DNTT: variants seen among roughly 807,000 people sequenced by gnomAD.
The protein encoded by DNTT is DNA nucleotidylexotransferase, also known as nucleosidetriphosphate:DNA deoxynucleotidylexotransferase.
In DNTT, 47 loss-of-function variants were observed where a neutral mutation model predicts 60.9. The ratio of observed to expected loss-of-function variants is 0.77; its 90% CI spans 0.61 to 0.98. The LOEUF (loss-of-function observed/expected upper bound fraction) is 0.98. DNTT is among the 50% of genes least tolerant of loss of function. DNTT has a pLI of 0.00. For missense variants in DNTT, 665 were observed against 627.5 expected (o/e 1.06, Z -0.64); for synonymous variants, 224 against 221.2 (o/e 1.01, Z -0.11).
chr10:96,338,049 G>A (rs1845093951), intron 10 of DNTT, 89 bp from the exon 11 acceptor site: 3 of 1,139,218 alleles, frequency 2.6e-6, no homozygotes, highest in Admixed American at 4.9e-5. Context: ...TTCTGACAAG[G>A]CAATTTTATA....
At chr10:96,323,402 A>G (rs1055315550) in intron 5 of DNTT, among the ~76,000 whole-genome samples, 4 of 152,144 alleles carry the variant, frequency 2.6e-5, no homozygotes, top group Non-Finnish European at 5.9e-5. Flanking sequence ...TAGGACTTCA[A>G]CATACAAATG....
chr10:96,308,059 TTAAAAA>T (rs1362747848), intron 1 of DNTT, among the ~76,000 whole-genome samples: 5 of 152,030 alleles, frequency 3.3e-5, no homozygotes, highest in Non-Finnish European at 7.4e-5. Context: ...AGCATGTACT[TTAAAAA>T]TAAAAATAAC....
chr10:96,322,518 G>T (rs369517167), intron 4 of DNTT, 139 bp from the exon 5 acceptor site: 6 of 515,910 alleles, frequency 1.2e-5, no homozygotes, highest in African/African-American at 2.0e-5. Context: ...GTTTTCTCCA[G>T]ATCAATTAGG....
In DNTT at chr10:96,307,773, A is replaced by ATTT. The variant is rs1407279607; in HGVS notation, c.203+3074_203+3075insTTT. Among the ~76,000 whole-genome samples the ATTT allele has an allele frequency of 2.7e-4, 27 of 100,396 alleles. 3 individuals are homozygous for ATTT. The highest frequency in any genetic ancestry group is 7.2e-4 in the African/African-American group (20 of 27,812). The allele number at this position is 100,396 out of a possible 152,430, so 65.9% of individuals were successfully genotyped here. Reference sequence around the variant, plus strand: ...TGTGTGTGTGCATATATATATATATATATATTTTTTTTTTTTGAGGCAGGG... The same window carrying ATTT: ...TGTGTGTGTGCATATATATATATATATTTTATATTTTTTTTTTTTGAGGCAGGG... On this transcript the variant is annotated intron_variant, in intron 1 of 10. Coordinates refer to ENST00000371174, the MANE Select transcript of DNTT (RefSeq NM_004088.4).
At position 96,338,135 on chromosome 10, in the gene DNTT, C is replaced by T; in HGVS notation, c.1444-3C>T. ...ATGCACATATTTCTTGTTATGTTTT[C>T]AGAGGATATTCCTCAAAGCAGAAAG... is the stretch of plus-strand genomic sequence containing the variant. On this transcript the variant is annotated splice_polypyrimidine_tract_variant and splice_region_variant and intron_variant, in intron 10 of 10. Coordinates refer to ENST00000371174, the MANE Select transcript of DNTT (RefSeq NM_004088.4). 6.2e-7 allele frequency: 1 copy of T among 1,611,674 alleles called. No individual in the cohort carries two copies. Among genetic ancestry groups the T allele is most frequent in the African/African-American group, 1.3e-5 (1 of 74,936 alleles).
In DNTT at chr10:96,312,496, AG is replaced by A. The variant is rs112570528; in HGVS notation, c.204-5855del. ...GGGTCCCCAGTCCCTAGTTGCACTGAGCCCAGCTTTCCAGCCATCCTCACCA... is the reference window on the plus strand; with the variant it reads ...GGGTCCCCAGTCCCTAGTTGCACTGACCCAGCTTTCCAGCCATCCTCACCA... On this transcript the variant is annotated intron_variant, in intron 1 of 10. Transcript: ENST00000371174. Among the ~76,000 whole-genome samples, 323 of 152,262 alleles carry A rather than the reference AG, an allele frequency of 2.1e-3. 4 individuals carry two copies. The highest frequency in any genetic ancestry group is 7.2e-3 in the African/African-American group (299 of 41,526).
chr10:96,325,359 G>A (rs77423072), intron 6 of DNTT, among the ~76,000 whole-genome samples: 2,053 of 152,226 alleles, frequency 0.013, 21 homozygotes, highest in Non-Finnish European at 0.018. Flanking sequence ...CGTTTAATAA[G>A]GATGATTTAC....
At chr10:96,310,710 G>C (rs12269568) in intron 1 of DNTT, among the ~76,000 whole-genome samples, 1 of 152,158 alleles carries the variant, frequency 6.6e-6, no homozygotes, top group Non-Finnish European at 1.5e-5. Flanking sequence ...GTAGACCTCA[G>C]CTACAGACTT....
At chr10:96,305,614 A>T (rs919111183) in intron 1 of DNTT, among the ~76,000 whole-genome samples, 1 of 152,240 alleles carries the variant, frequency 6.6e-6, no homozygotes. Flanking sequence ...TAAATTGACC[A>T]CAAATTTTCA....
At chr10:96,318,251 T>C in intron 1 of DNTT, 101 bp from the exon 2 acceptor site, 2 of 1,392,242 alleles carry the variant, frequency 1.4e-6, no homozygotes, top group African/African-American at 1.4e-5. Flanking sequence ...CTAGCATGTG[T>C]CTTTCTCCAT....
At chr10:96,336,810 C>T (rs1344225968) in intron 10 of DNTT, among the ~76,000 whole-genome samples, 1 of 151,814 alleles carries the variant, frequency 6.6e-6, no homozygotes, top group Non-Finnish European at 1.5e-5. Flanking sequence ...GGTGTGGCGG[C>T]TCGCACACAC....
intron 3 of DNTT, 117 bp from the exon 4 acceptor site, chr10:96,320,501 G>C (rs1844855888): frequency 8.2e-7 from 1 of 1,218,858 alleles, no homozygotes; most frequent in African/African-American, 1.5e-5. Context: ...TCCTGACCTA[G>C]AAGGAAACAC....
At chr10:96,322,838 G>T in intron 5 of DNTT, 110 bp downstream of exon 5, 1 of 816,166 alleles carries the variant, frequency 1.2e-6, no homozygotes, top group Non-Finnish European at 1.9e-6. Flanking sequence ...ATACAGAGAT[G>T]GCGTGGCTTA....
Position 96,318,877 on chromosome 10 carries a change from G to A in DNTT, c.378+351G>A, listed in dbSNP as rs144538224. 4.2e-3 allele frequency among the ~76,000 whole-genome samples: 633 copies of A among 152,244 alleles called. 7 individuals carry two copies. Among genetic ancestry groups the A allele is most frequent in the African/African-American group, 0.014 (599 of 41,542 alleles). On this transcript the variant is annotated intron_variant, in intron 2 of 10. Coordinates refer to ENST00000371174, the MANE Select transcript of DNTT (RefSeq NM_004088.4). ...TGATATTCTAGCAGCCAGAAAAGCAGGAGATTCCTTTTTTTCTCTCACTGT... is the reference window on the plus strand; with the variant it reads ...TGATATTCTAGCAGCCAGAAAAGCAAGAGATTCCTTTTTTTCTCTCACTGT...
chr10:96,305,080 A>T (rs1160726852), intron 1 of DNTT, among the ~76,000 whole-genome samples: 1 of 152,236 alleles, frequency 6.6e-6, no homozygotes, highest in Non-Finnish European at 1.5e-5. Flanking sequence ...GGCTACTTTG[A>T]TGCAGAAAGA....
At chr10:96,309,462 CT>C (rs1167212888) in intron 1 of DNTT, among the ~76,000 whole-genome samples, 35 of 147,116 alleles carry the variant, frequency 2.4e-4, no homozygotes, top group African/African-American at 8.8e-4. Context: ...AACAAGTTTT[CT>C]TTAAAAAAAA....
chr10:96,327,210 T>C (rs115070455), intron 6 of DNTT, among the ~76,000 whole-genome samples: 29 of 152,324 alleles, frequency 1.9e-4, no homozygotes, highest in African/African-American at 6.5e-4. Flanking sequence ...CAGTTTGGAT[T>C]CCAGAGGGAT....
In DNTT at chr10:96,327,550, C is replaced by T. The variant is rs200138780; in HGVS notation, c.957C>T (p.Val319=). The T allele has an allele frequency of 6.2e-7, 1 of 1,613,966 alleles. No homozygotes were observed. The highest frequency in any genetic ancestry group is 1.7e-5 in the Admixed American group (1 of 60,006). The change falls in exon 7 of 11, where the codon GTC becomes GTT. Residue 319 remains valine, a synonymous_variant. Coordinates refer to ENST00000371174, the MANE Select transcript of DNTT (RefSeq NM_004088.4). ...EAVSVLVKEA[V]WAFLPDAFVT... is the part of the protein sequence containing the mutation. Reference sequence around the variant, plus strand: ...TCAGTGTGCTGGTTAAAGAGGCTGTCTGGGCATTTCTTCCGGATGCTTTCG... The same window carrying T: ...TCAGTGTGCTGGTTAAAGAGGCTGTTTGGGCATTTCTTCCGGATGCTTTCG...
At chr10:96,331,242 C>T (rs1262368253) in intron 8 of DNTT, among the ~76,000 whole-genome samples, 1 of 152,242 alleles carries the variant, frequency 6.6e-6, no homozygotes, top group African/African-American at 2.4e-5. Flanking sequence ...GACTCAGCCT[C>T]CAGCCACAAC....
Sources: gnomAD v4.1 joint callset for allele counts (sites outside exome capture counted in the v4.1 genomes callset) on GRCh38, gnomAD v4.1.1 for gene constraint, MANE v1.5 for transcripts, NCBI Gene and HGNC (gene_info 2026-07-23, HGNC 2026-07-21) for gene names.